The following PLEKHA6 variants were observed in gnomAD, a reference collection of about 807,000 sequenced individuals.
PLEKHA6 encodes pleckstrin homology domain-containing family A member 6.
In PLEKHA6, 60 loss-of-function variants were observed where a neutral mutation model predicts 116.7. The observed-to-expected ratio is 0.51, with a 90% CI of 0.42 to 0.64. The LOEUF (loss-of-function observed/expected upper bound fraction) is 0.64, where lower values mean the gene tolerates loss of function less well. PLEKHA6 is among the 30% of genes least tolerant of loss of function. The probability of loss-of-function intolerance (pLI) is 0.00; values close to 1 mark genes in which losing one functional copy is unlikely to be tolerated. For synonymous variants in PLEKHA6, 489 were observed against 556.1 expected (o/e 0.88, Z 1.70); for missense variants, 1,338 against 1,422.7 (o/e 0.94, Z 0.96).
intron 1 of PLEKHA6, among the ~76,000 whole-genome samples, chr1:204,321,917 C>T (rs1424910649): frequency 6.6e-6 from 1 of 152,218 alleles, no homozygotes; most frequent in African/African-American, 2.4e-5. Flanking sequence ...AAAGGCAGGC[C>T]CAGGAGCTGC....
chr1:204,320,793 G>A (rs1016784852), intron 1 of PLEKHA6, among the ~76,000 whole-genome samples: 1 of 152,200 alleles, frequency 6.6e-6, no homozygotes, highest in African/African-American at 2.4e-5. Context: ...GGGTATGTGT[G>A]TGTAGAATGG....
At chr1:204,340,350 G>A (rs1157813970) in intron 1 of PLEKHA6, among the ~76,000 whole-genome samples, 1 of 152,112 alleles carries the variant, frequency 6.6e-6, no homozygotes, top group Non-Finnish European at 1.5e-5. Flanking sequence ...TGCAATTAAC[G>A]GCTGTCTGAG....
intron 1 of PLEKHA6, chr1:204,313,469 C>A: frequency 3.1e-6 from 2 of 649,270 alleles, no homozygotes; most frequent in Non-Finnish European, 3.8e-6. Flanking sequence ...ATAGGGATGA[C>A]CTCCCCATTT....
intron 1 of PLEKHA6, among the ~76,000 whole-genome samples, chr1:204,312,521 G>A (rs765283965): frequency 1.8e-4 from 27 of 152,296 alleles, no homozygotes; most frequent in African/African-American, 4.6e-4. Context: ...CTACAGGGCC[G>A]GGATGCTCAG....
intron 5 of PLEKHA6, among the ~76,000 whole-genome samples, chr1:204,265,960 G>T (rs556824323): frequency 3.9e-5 from 6 of 152,086 alleles, no homozygotes; most frequent in South Asian, 2.1e-4. Flanking sequence ...GTGGGACAGT[G>T]GGGGGGACAA....
chr1:204,318,991 T>A (rs1175167163), intron 1 of PLEKHA6, among the ~76,000 whole-genome samples: 1 of 152,214 alleles, frequency 6.6e-6, no homozygotes, highest in Non-Finnish European at 1.5e-5. Context: ...ATCTCCAAGT[T>A]CCTGTGGTCC....
At position 204,223,233 on chromosome 1, in the gene PLEKHA6, A is replaced by G. The variant is rs1659859691; in HGVS notation, c.*8+229T>C. On this transcript the variant is annotated intron_variant, in intron 22 of 22. Coordinates refer to ENST00000272203, the MANE Select transcript of PLEKHA6 (RefSeq NM_014935.5). This position sits in a 1 kb window ranked among gnomAD's most constrained non-coding sequence, Gnocchi z 4.8. Reference sequence around the variant, plus strand: ...TTCTGGAGAAGCAAAGGCCATTGGCATCACAACATCCAAGAAGCGGCCCTG... The same window carrying G: ...TTCTGGAGAAGCAAAGGCCATTGGCGTCACAACATCCAAGAAGCGGCCCTG... 1.3e-5 allele frequency among the ~76,000 whole-genome samples: 2 copies of G among 152,150 alleles called. No homozygotes were observed.
intron 1 of PLEKHA6, among the ~76,000 whole-genome samples, chr1:204,294,128 T>C (rs2103044358): frequency 6.6e-6 from 1 of 152,152 alleles, no homozygotes; most frequent in South Asian, 2.1e-4. Flanking sequence ...ACAGCTGCAT[T>C]AAGCCAAACA....
intron 1 of PLEKHA6, among the ~76,000 whole-genome samples, chr1:204,350,477 C>T (rs1033063744): frequency 6.6e-6 from 1 of 152,234 alleles, no homozygotes; most frequent in Non-Finnish European, 1.5e-5. Flanking sequence ...CCACCACCAT[C>T]CCCTCCGCAG....
At chr1:204,341,446 G>A (rs939359569) in intron 1 of PLEKHA6, among the ~76,000 whole-genome samples, 1 of 152,136 alleles carries the variant, frequency 6.6e-6, no homozygotes, top group Non-Finnish European at 1.5e-5. Flanking sequence ...CTGGGAGTCT[G>A]GTGCAGTAAT....
intron 1 of PLEKHA6, among the ~76,000 whole-genome samples, chr1:204,291,727 A>C (rs2103030972): frequency 6.6e-6 from 1 of 152,358 alleles, no homozygotes; most frequent in Non-Finnish European, 1.5e-5. Context: ...TTAAAAATGC[A>C]AACTAATCTA....
intron 1 of PLEKHA6, among the ~76,000 whole-genome samples, chr1:204,351,147 C>A (rs1047047663): frequency 6.6e-6 from 1 of 151,898 alleles, no homozygotes; most frequent in Admixed American, 6.5e-5. Context: ...GCCGGGCTAC[C>A]GAGCAGCTGG....
chr1:204,263,048 A>G (rs1666334718), intron 6 of PLEKHA6, among the ~76,000 whole-genome samples: 1 of 152,238 alleles, frequency 6.6e-6, no homozygotes, highest in Non-Finnish European at 1.5e-5. Context: ...CTGTGTGTGC[A>G]GAACTCGCTG....
chr1:204,377,406 T>C (rs1673889382), intron 1 of PLEKHA6, among the ~76,000 whole-genome samples: 2 of 152,068 alleles, frequency 1.3e-5, no homozygotes, highest in African/African-American at 4.8e-5. Context: ...TTTGACCCAT[T>C]GAGGAAAAGG....
In PLEKHA6 at chr1:204,238,699, G is replaced by A. The variant is rs368818088; in HGVS notation, c.2409+2676C>T. Among the ~76,000 whole-genome samples, 9 of 152,288 alleles carry A rather than the reference G, an allele frequency of 5.9e-5. No homozygotes were observed. In the East Asian group the frequency reaches 1.7e-3, roughly 29 times the overall value. ...CCCTACCCTGCACTGATGGACTCAT[G>A]GGGAGTTCCCTATGATCAGTTGACA... On this transcript the variant is annotated intron_variant, in intron 17 of 22. Coordinates refer to ENST00000272203, the MANE Select transcript of PLEKHA6 (RefSeq NM_014935.5). This position sits in a 1 kb window ranked among gnomAD's most constrained non-coding sequence, Gnocchi z 4.2.
chr1:204,318,011 T>C (rs754340317), intron 1 of PLEKHA6, among the ~76,000 whole-genome samples: 4 of 152,272 alleles, frequency 2.6e-5, no homozygotes, highest in Admixed American at 6.5e-5. Context: ...CATACACTTA[T>C]ACACACATGA....
chr1:204,261,249 C>T lies in PLEKHA6; in HGVS notation c.524+57G>A. On this transcript the variant is annotated intron_variant, in intron 7 of 22. Coordinates refer to ENST00000272203, the MANE Select transcript of PLEKHA6 (RefSeq NM_014935.5). This position sits in a 1 kb window ranked among gnomAD's most constrained non-coding sequence, Gnocchi z 4.0. The stretch of plus-strand genomic sequence containing the variant: ...AGCAATGGCCCAGAGCTGGGTGTGT[C>T]TTCCATTCCCCTCTTTATTCTTCCT... The T allele has an allele frequency of 6.3e-7, 1 of 1,599,860 alleles. No homozygotes were observed. The highest frequency in any genetic ancestry group is 1.1e-5 in the South Asian group (1 of 90,668).
Position 204,223,436 on chromosome 1 carries a change from A to G in PLEKHA6, c.*8+26T>C. 4 of 1,296,492 alleles carry G rather than the reference A, an allele frequency of 3.1e-6. No homozygotes were observed. Among genetic ancestry groups the G allele is most frequent in the Non-Finnish European group, 4.4e-6 (4 of 913,748 alleles). The allele number at this position is 1,296,492 out of a possible 1,614,324, so 80.3% of individuals were successfully genotyped here. A position where few individuals can be genotyped will look rare whatever the true frequency, so the allele number is the denominator to read the frequency against. On this transcript the variant is annotated intron_variant, in intron 22 of 22. Transcript: ENST00000272203. The surrounding 1 kb of genome is among the most constrained non-coding windows in gnomAD (Gnocchi z 4.8). ...GGAAGGGGCCCCACTCCCGAGGTGG[A>G]TGAAATACAGTAGAAAAGTGCTTAC...
chr1:204,226,209 A>C (rs1438631620), intron 21 of PLEKHA6, among the ~76,000 whole-genome samples: 1 of 152,160 alleles, frequency 6.6e-6, no homozygotes, highest in Non-Finnish European at 1.5e-5. Flanking sequence ...CGGTGGGAAC[A>C]GTGGGCTGAG....
Sources: gnomAD v4.1 joint callset for allele counts (sites outside exome capture counted in the v4.1 genomes callset) on GRCh38, gnomAD v4.1.1 for gene constraint, Gnocchi (gnomAD v3.1) non-coding constraint, MANE v1.5 for transcripts, NCBI Gene and HGNC (gene_info 2026-07-23, HGNC 2026-07-21) for gene names.